ARHGAP42: variants seen among roughly 807,000 people sequenced by gnomAD.
ARHGAP42 encodes Rho GTPase activating protein 42, also known as rho GTPase-activating protein 42.
Under a neutral mutation model 125.0 loss-of-function variants are expected in ARHGAP42, and 63 were observed. The observed-to-expected ratio is 0.50, with a 90% CI of 0.41 to 0.62. The LOEUF (loss-of-function observed/expected upper bound fraction) is 0.62, where lower values mean the gene tolerates loss of function less well. Ranked by LOEUF, ARHGAP42 falls within the 20% of genes least tolerant of loss-of-function variation. The pLI is 0.00. For missense variants in ARHGAP42, 766 were observed against 1,024.2 expected, an observed-to-expected ratio of 0.75 and a Z score of 3.44; for synonymous variants, 339 against 351.0, an observed-to-expected ratio of 0.97 and a Z score of 0.38.
intron 1 of ARHGAP42, among the ~76,000 whole-genome samples, chr11:100,700,580 G>A (rs981597722): frequency 3.3e-5 from 5 of 152,120 alleles, no homozygotes; most frequent in African/African-American, 4.8e-5. Flanking sequence ...AGTGTTCACC[G>A]CATCTTCACC....
chr11:100,702,240 G>A (rs575371411), intron 1 of ARHGAP42, among the ~76,000 whole-genome samples: 49 of 152,230 alleles, frequency 3.2e-4, no homozygotes, highest in South Asian at 1.5e-3. Flanking sequence ...TTTTAATATT[G>A]TTGTGTCTCA....
chr11:100,722,458 T>C (rs1428535359), intron 1 of ARHGAP42, among the ~76,000 whole-genome samples: 1 of 151,718 alleles, frequency 6.6e-6, no homozygotes, highest in African/African-American at 2.4e-5. Context: ...AGTGGCACGA[T>C]TGGCTCACTA....
intron 3 of ARHGAP42, among the ~76,000 whole-genome samples, chr11:100,813,366 T>C (rs1864191864): frequency 6.6e-6 from 1 of 152,186 alleles, no homozygotes; most frequent in African/African-American, 2.4e-5. Flanking sequence ...TGAAAACTAC[T>C]CATTTAAGGT....
intron 4 of ARHGAP42, among the ~76,000 whole-genome samples, chr11:100,864,330 G>A (rs996891456): frequency 2.0e-5 from 3 of 151,856 alleles, no homozygotes; most frequent in South Asian, 4.2e-4. Context: ...GACTACAGGC[G>A]CCCGCCACCA....
intron 1 of ARHGAP42, among the ~76,000 whole-genome samples, chr11:100,733,167 C>G (rs763663777): frequency 8.5e-5 from 13 of 152,244 alleles, no homozygotes; most frequent in Admixed American, 3.3e-4. Context: ...GGTGCAGATT[C>G]CAATGAGCTG....
chr11:100,880,181 G>T (rs566373945), intron 4 of ARHGAP42, among the ~76,000 whole-genome samples: 26 of 152,246 alleles, frequency 1.7e-4, no homozygotes, highest in African/African-American at 6.0e-4. Flanking sequence ...GGTGATTGGT[G>T]AGATTTTGGT....
At chr11:100,986,948 C>A (rs1042582612) in intron 22 of ARHGAP42, among the ~76,000 whole-genome samples, 2 of 151,800 alleles carry the variant, frequency 1.3e-5, no homozygotes, top group Non-Finnish European at 2.9e-5. Flanking sequence ...GATGGGTGTA[C>A]CCTGGTTTGC....
At chr11:100,870,947 T>TAA (rs35187671) in intron 4 of ARHGAP42, among the ~76,000 whole-genome samples, 1 of 141,956 alleles carries the variant, frequency 7.0e-6, no homozygotes, top group African/African-American at 2.6e-5. Context: ...AAAGAAGGTT[T>TAA]AAAAAAAAAA....
At chr11:100,781,285 G>GTT (rs143132073) in intron 2 of ARHGAP42, among the ~76,000 whole-genome samples, 6 of 144,956 alleles carry the variant, frequency 4.1e-5, no homozygotes, top group African/African-American at 1.3e-4. Context: ...AACATGAACT[G>GTT]TTTTTTTTTT....
chr11:100,833,026 T>G (rs665424), intron 3 of ARHGAP42, among the ~76,000 whole-genome samples: 11,336 of 152,266 alleles, frequency 0.074, 566 homozygotes, highest in East Asian at 0.26. Flanking sequence ...AATACAGGCT[T>G]CTGACAGAAG....
chr11:100,931,182 A>T (rs564097208), intron 6 of ARHGAP42, among the ~76,000 whole-genome samples: 7 of 152,266 alleles, frequency 4.6e-5, no homozygotes, highest in African/African-American at 1.7e-4. Context: ...GAATTTTTTC[A>T]CTTGTGGTAT....
chr11:100,943,410 A>G (rs1867932967), intron 9 of ARHGAP42, among the ~76,000 whole-genome samples: 1 of 151,968 alleles, frequency 6.6e-6, no homozygotes, highest in African/African-American at 2.4e-5. Context: ...TGTATATCCA[A>G]TTGTGATGTT....
Position 100,965,711 on chromosome 11 carries a change from A to G in ARHGAP42, c.1485A>G (p.Ala495=), listed in dbSNP as rs774641850. 5.8e-6 allele frequency: 9 copies of G among 1,550,872 alleles called. No individual in the cohort carries two copies. The highest frequency in any genetic ancestry group is 1.2e-5 in the South Asian group (1 of 84,022). Residue 495 remains alanine (A), a synonymous_variant, in exon 17 of 24, where the codon GCA becomes GCG. Transcript: ENST00000298815. ...ACTACAGGGTGGAGGCTGTACATGCATTGGTGCACAAATTGCCGGAGAAAA... is the reference window on the plus strand; with the variant it reads ...ACTACAGGGTGGAGGCTGTACATGCGTTGGTGCACAAATTGCCGGAGAAAA... ...DQNYRVEAVH[A]LVHKLPEKNR... is the part of the protein sequence containing the mutation.
chr11:100,794,395 A>G (rs1385462399), intron 2 of ARHGAP42, among the ~76,000 whole-genome samples: 2 of 152,202 alleles, frequency 1.3e-5, no homozygotes, highest in East Asian at 1.9e-4. Context: ...AAGTAAAGCA[A>G]TATAGGTACA....
intron 4 of ARHGAP42, among the ~76,000 whole-genome samples, chr11:100,864,658 G>A (rs543152623): frequency 2.0e-5 from 3 of 152,154 alleles, no homozygotes; most frequent in Non-Finnish European, 4.4e-5. Flanking sequence ...GGGAAGAGAC[G>A]TGGCCCAGTG....
chr11:100,764,005 CTCTTCT>C (rs199753600), intron 1 of ARHGAP42, among the ~76,000 whole-genome samples: 28 of 141,432 alleles, frequency 2.0e-4, no homozygotes, highest in Non-Finnish European at 1.7e-4. Context: ...CCTCCTCCCC[CTCTTCT>C]TCTTCTTCTT....
chr11:100,744,686 T>C (rs1862260903), intron 1 of ARHGAP42, among the ~76,000 whole-genome samples: 1 of 152,162 alleles, frequency 6.6e-6, no homozygotes, highest in African/African-American at 2.4e-5. Context: ...AGACTCTGTA[T>C]GAGTTTCTTG....
chr11:100,958,657 T>C (rs1330356498), intron 12 of ARHGAP42, among the ~76,000 whole-genome samples: 2 of 151,354 alleles, frequency 1.3e-5, no homozygotes, highest in Non-Finnish European at 2.9e-5. Flanking sequence ...TGCATATATA[T>C]TTGTGGAGTT....
chr11:100,863,002 A>C (rs150124422), intron 4 of ARHGAP42, among the ~76,000 whole-genome samples: 1 of 145,904 alleles, frequency 6.9e-6, no homozygotes, highest in African/African-American at 2.5e-5. Flanking sequence ...ACGCCATTTC[A>C]CTGCAGCCTG....
Sources: allele counts gnomAD v4.1 joint callset (sites outside exome capture counted in the v4.1 genomes callset), GRCh38; gene constraint gnomAD v4.1.1; transcripts MANE v1.5; gene names NCBI Gene and HGNC (gene_info 2026-07-23, HGNC 2026-07-21).